TRPM6: variants seen among roughly 807,000 people sequenced by gnomAD.
TRPM6 encodes transient receptor potential cation channel subfamily M member 6.
TRPM6 carries 111 observed loss-of-function variants against 247.6 expected under a neutral mutation model. The ratio of observed to expected loss-of-function variants is 0.45; its 90% CI spans 0.38 to 0.52. TRPM6 has a LOEUF of 0.52. TRPM6 is among the 20% of genes least tolerant of loss of function. The pLI is 0.00. For missense variants in TRPM6, 2,126 were observed against 2,421.5 expected, an observed-to-expected ratio of 0.88 and a Z score of 2.56; for synonymous variants, 892 against 853.8, an observed-to-expected ratio of 1.04 and a Z score of -0.78.
chr9:74,756,846 C>T (rs976498686), intron 27 of TRPM6, among the ~76,000 whole-genome samples: 3 of 145,086 alleles, frequency 2.1e-5, no homozygotes, highest in Non-Finnish European at 3.0e-5. Context: ...AACCCTGTCT[C>T]AAAAGAAAAA....
intron 27 of TRPM6, among the ~76,000 whole-genome samples, chr9:74,756,070 C>G (rs1317123129): frequency 6.6e-6 from 1 of 152,140 alleles, no homozygotes; most frequent in Non-Finnish European, 1.5e-5. Flanking sequence ...AACTCAAAAG[C>G]AATAAATAAA....
chr9:74,854,626 C>G (rs1830464302), intron 3 of TRPM6, among the ~76,000 whole-genome samples: 1 of 152,092 alleles, frequency 6.6e-6, no homozygotes, highest in Non-Finnish European at 1.5e-5. Context: ...GTTTCCTCTC[C>G]CCATGATTTG....
chr9:74,882,978 T>A (rs868203355), intron 1 of TRPM6, among the ~76,000 whole-genome samples: 1 of 152,190 alleles, frequency 6.6e-6, no homozygotes, highest in South Asian at 2.1e-4. Context: ...AACTTTTTCA[T>A]CTCGAAAAAC....
chr9:74,811,836 A>G (rs559287216), intron 12 of TRPM6, among the ~76,000 whole-genome samples: 3 of 152,328 alleles, frequency 2.0e-5, no homozygotes, highest in South Asian at 2.1e-4. Context: ...TAATTTACTG[A>G]CAACAGTATA....
Position 74,776,027 on chromosome 9 carries a change from T to C in TRPM6, c.3259A>G (p.Asn1087Asp). 6.2e-7 allele frequency: 1 copy of C among 1,614,118 alleles called. No individual in the cohort carries two copies. Among genetic ancestry groups the C allele is most frequent in the Non-Finnish European group, 8.5e-7 (1 of 1,180,026 alleles). ...TAGGTCATGATGTAGCGATAGCGGT[T>C]GTATTTCCACAGGTTATTTGAAATG... is the stretch of plus-strand genomic sequence containing the variant. ...ESISNNLWKY[N>D]RYRYIMTYHE... The change falls in exon 24 of 39, where the codon AAC becomes GAC. Residue 1087 changes from asparagine (N) to aspartate (D), a missense_variant. Transcript: ENST00000360774.
intron 2 of TRPM6, among the ~76,000 whole-genome samples, chr9:74,858,362 G>T (rs558762786): frequency 6.9e-6 from 1 of 145,574 alleles, no homozygotes; most frequent in East Asian, 2.0e-4. Flanking sequence ...ACTCCAGCCT[G>T]GAGGACAAGA....
In TRPM6 at chr9:74,762,263, T is replaced by C. The variant is rs1473033906; in HGVS notation, c.4408A>G (p.Lys1470Glu). 6 of 1,614,106 alleles carry C rather than the reference T, an allele frequency of 3.7e-6. No homozygotes were observed. The African/African-American group carries it at 8.0e-5, about 22-fold the overall frequency. The change falls in exon 26 of 39, where the codon AAA (lysine) becomes GAA (glutamate). Residue 1470 changes from lysine (K) to glutamate (E), a missense_variant. Around this residue, in one of 3 missense-constraint regions of TRPM6, gnomAD observed 717 missense variants for 715.9 expected, o/e 1.00. Transcript: ENST00000360774. ...GAGGGCAAGCAGGTTTGCCACTTTT[T>C]CTTGATGCTAAACACACCAGTTTCA... is the stretch of plus-strand genomic sequence containing the variant. ...GDETGVFSIK[K>E]KWQTCLPSTC...
At chr9:74,745,147 T>C (rs539513370) in intron 31 of TRPM6, among the ~76,000 whole-genome samples, 50 of 152,312 alleles carry the variant, frequency 3.3e-4, no homozygotes, top group African/African-American at 1.2e-3. Context: ...TAAAGGTATA[T>C]ACAGAGGTTT....
chr9:74,856,989 G>A (rs1315996802), intron 2 of TRPM6, among the ~76,000 whole-genome samples: 4 of 152,104 alleles, frequency 2.6e-5, no homozygotes, highest in African/African-American at 9.7e-5. Flanking sequence ...TACTCTTCTT[G>A]AGTCTATGGG....
At chr9:74,848,475 C>G (rs557524155) in intron 3 of TRPM6, among the ~76,000 whole-genome samples, 6 of 152,098 alleles carry the variant, frequency 3.9e-5, no homozygotes, top group Non-Finnish European at 8.8e-5. Context: ...CTGAATGGCA[C>G]GCAATTTTAA....
Position 74,740,565 on chromosome 9 carries a change from C to T in TRPM6, c.5201-556G>A, listed in dbSNP as rs975407057. On this transcript the variant is annotated intron_variant, in intron 33 of 38. Transcript: ENST00000360774. ...GGGACCCAAGCGCAAACACAAAATT[C>T]ATCTTTTTCATATACACCTTATACA... Among the ~76,000 whole-genome samples the T allele has an allele frequency of 8.5e-5, 13 of 152,268 alleles. No homozygotes were observed. The South Asian group carries it at 2.5e-3, about 29-fold the overall frequency.
chr9:74,854,783 C>T (rs1020664932), intron 3 of TRPM6, among the ~76,000 whole-genome samples: 3 of 152,184 alleles, frequency 2.0e-5, no homozygotes, highest in African/African-American at 7.2e-5. Flanking sequence ...CTCACCTCAG[C>T]TTTCCAAGTA....
chr9:74,726,660 T>C (rs1199515905), intron 38 of TRPM6, among the ~76,000 whole-genome samples: 2 of 152,204 alleles, frequency 1.3e-5, no homozygotes, highest in Non-Finnish European at 2.9e-5. Context: ...TCCTTAGATG[T>C]AGTACTTGTG....
chr9:74,845,290 A>G (rs1339510329), intron 3 of TRPM6, among the ~76,000 whole-genome samples: 1 of 152,192 alleles, frequency 6.6e-6, no homozygotes, highest in Non-Finnish European at 1.5e-5. Flanking sequence ...AAGCACAATA[A>G]AGTAACATAC....
intron 2 of TRPM6, among the ~76,000 whole-genome samples, chr9:74,856,716 G>A (rs920506495): frequency 6.6e-6 from 1 of 151,848 alleles, no homozygotes; most frequent in Non-Finnish European, 1.5e-5. Flanking sequence ...TTCTTATTGG[G>A]AGCTACAAAA....
intron 28 of TRPM6, among the ~76,000 whole-genome samples, chr9:74,755,089 C>CTTT (rs1280638126): frequency 6.6e-6 from 1 of 152,204 alleles, no homozygotes; most frequent in Non-Finnish European, 1.5e-5. Flanking sequence ...ATAAAACACT[C>CTTT]TGAGTCAGGT....
At chr9:74,829,399 C>G (rs1451962956) in intron 6 of TRPM6, among the ~76,000 whole-genome samples, 1 of 152,178 alleles carries the variant, frequency 6.6e-6, no homozygotes, top group African/African-American at 2.4e-5. Context: ...TTTTCTTAAG[C>G]TGCTCCACTT....
At chr9:74,821,866 T>C in intron 7 of TRPM6, 29 bp from the exon 8 acceptor site, 1 of 1,613,590 alleles carries the variant, frequency 6.2e-7, no homozygotes, top group Non-Finnish European at 8.5e-7. Context: ...AATACCACAC[T>C]GTTAGAGAAT....
rs114319285 is a variant in TRPM6, at chr9:74,874,614, A to G, written c.33+13210T>C. 6.5e-3 allele frequency among the ~76,000 whole-genome samples: 988 copies of G among 152,322 alleles called. 15 individuals are homozygous for G. Among genetic ancestry groups the G allele is most frequent in the African/African-American group, 0.023 (957 of 41,586 alleles). On this transcript the variant is annotated intron_variant, in intron 1 of 38. Coordinates refer to ENST00000360774, the MANE Select transcript of TRPM6 (RefSeq NM_017662.5). ...TCTTCTGATATTGTAAAGTGAGAAG[A>G]AATATATTTTATCCATAGAAAGAGA...
Sources: gnomAD v4.1 joint callset for allele counts (sites outside exome capture counted in the v4.1 genomes callset) on GRCh38, gnomAD v4.1.1 for gene constraint, gnomAD v4.1.1 regional missense constraint, MANE v1.5 for transcripts, NCBI Gene and HGNC (gene_info 2026-07-23, HGNC 2026-07-21) for gene names.